The following CYP2C18 variants were observed in gnomAD, a reference collection of about 807,000 sequenced individuals.
CYP2C18 encodes the protein cytochrome P450 2C18.
A neutral mutation model predicts 41.3 loss-of-function variants in CYP2C18; 38 were observed. That is an observed-to-expected ratio of 0.92 (90% CI 0.71 to 1.21). The LOEUF (loss-of-function observed/expected upper bound fraction) is 1.21, where lower values mean the gene tolerates loss of function less well. Among genes scored for constraint, CYP2C18 ranks in the 50% most tolerant of loss-of-function variants. The probability of loss-of-function intolerance (pLI) is 0.00; values close to 1 mark genes in which losing one functional copy is unlikely to be tolerated. For synonymous variants in CYP2C18, 236 were observed against 210.0 expected, an observed-to-expected ratio of 1.12 and a Z score of -1.07; for missense variants, 635 against 591.4, an observed-to-expected ratio of 1.07 and a Z score of -0.77.
intron 3 of CYP2C18, among the ~76,000 whole-genome samples, 182 bp downstream of exon 3, chr10:94,688,456 C>T (rs1846936533): frequency 6.6e-6 from 1 of 152,110 alleles, no homozygotes; most frequent in Non-Finnish European, 1.5e-5. Flanking sequence ...TTTATCATTT[C>T]TATATTTTGA....
At chr10:94,697,946 A>G (rs1030534363) in intron 4 of CYP2C18, among the ~76,000 whole-genome samples, 4 of 152,190 alleles carry the variant, frequency 2.6e-5, no homozygotes, top group African/African-American at 9.7e-5. Context: ...CTAAATATAT[A>G]TGCACCCAAT....
chr10:94,729,531 G>A (rs1847795465), intron 7 of CYP2C18, among the ~76,000 whole-genome samples: 1 of 151,986 alleles, frequency 6.6e-6, no homozygotes, highest in Admixed American at 6.6e-5. Context: ...AAAGCTTCAA[G>A]GAAATAGAAA....
intron 7 of CYP2C18, among the ~76,000 whole-genome samples, chr10:94,727,006 T>C (rs1019871460): frequency 2.6e-5 from 4 of 152,128 alleles, no homozygotes; most frequent in African/African-American, 4.8e-5. Context: ...CAGGTACCTA[T>C]TGAGCACCGG....
At chr10:94,698,091 G>A (rs1202084563) in intron 4 of CYP2C18, among the ~76,000 whole-genome samples, 2 of 152,144 alleles carry the variant, frequency 1.3e-5, no homozygotes, top group Non-Finnish European at 2.9e-5. Flanking sequence ...AGGTTAACAA[G>A]GATATCCAGG....
At chr10:94,716,792 C>T (rs140290823) in intron 5 of CYP2C18, among the ~76,000 whole-genome samples, 4,420 of 152,192 alleles carry the variant, frequency 0.029, 94 homozygotes, top group Middle Eastern at 0.061. Context: ...GTTAAAGTCT[C>T]CCATTATTGT....
intron 5 of CYP2C18, among the ~76,000 whole-genome samples, chr10:94,715,215 T>C (rs919962284): frequency 6.6e-6 from 1 of 152,174 alleles, no homozygotes; most frequent in African/African-American, 2.4e-5. Flanking sequence ...TCCAACAGTA[T>C]GTTGAATAGA....
chr10:94,688,050 A>G, intron 2 of CYP2C18, 75 bp from the exon 3 acceptor site: 1 of 1,605,720 alleles, frequency 6.2e-7, no homozygotes, highest in Non-Finnish European at 8.5e-7. Flanking sequence ...TGACCTGTCC[A>G]CGTGGCTGCC....
At chr10:94,694,878 A>G (rs750941887) in intron 3 of CYP2C18, 39 bp from the exon 4 acceptor site, 3 of 1,591,822 alleles carry the variant, frequency 1.9e-6, no homozygotes, top group Non-Finnish European at 2.6e-6. Context: ...TTTTATATGT[A>G]TATTTTAATG....
intron 3 of CYP2C18, among the ~76,000 whole-genome samples, chr10:94,690,178 C>T (rs1433922917): frequency 1.3e-5 from 2 of 152,116 alleles, no homozygotes; most frequent in African/African-American, 4.8e-5. Context: ...GATACAAAAT[C>T]CTCGGTGAAT....
At chr10:94,688,488 A>G (rs74152313) in intron 3 of CYP2C18, among the ~76,000 whole-genome samples, 3,846 of 152,224 alleles carry the variant, frequency 0.025, 148 homozygotes, top group African/African-American at 0.075. Flanking sequence ...TGTTCTAGCT[A>G]TCTTGAAATA....
At position 94,715,680 on chromosome 10, in the gene CYP2C18, G is replaced by A. The variant is rs932821966; in HGVS notation, c.820-4716G>A. ...TGTCTCTGTCAGGCTTTGGTATTAC[G>A]ATGATGCTGGCCTCATCAAATGCAT... On this transcript the variant is annotated intron_variant, in intron 5 of 8. Transcript: ENST00000285979. Among the ~76,000 whole-genome samples, 7 of 152,098 alleles carry A rather than the reference G, an allele frequency of 4.6e-5. No individual in the cohort carries two copies. The South Asian group carries it at 6.2e-4, about 14-fold the overall frequency.
chr10:94,721,103 T>G (rs1002752630), intron 6 of CYP2C18, among the ~76,000 whole-genome samples: 1 of 152,116 alleles, frequency 6.6e-6, no homozygotes, highest in African/African-American at 2.4e-5. Context: ...AACCTCCGCC[T>G]CCCGGGTTCA....
At position 94,735,390 on chromosome 10, in the gene CYP2C18, C is replaced by T; in HGVS notation, c.1419C>T (p.Ala473=). The change falls in exon 9 of 9, where the codon GCC becomes GCT. Residue 473 remains alanine, a synonymous_variant. Transcript: ENST00000285979. ...AGGATATTGACATCACCCCCATTGC[C>T]AATGCATTTGGTCGTGTGCCACCCT... ...DPKDIDITPI[A]NAFGRVPPLY... 6.2e-7 allele frequency: 1 copy of T among 1,613,716 alleles called. No individual in the cohort carries two copies. The highest frequency in any genetic ancestry group is 8.5e-7 in the Non-Finnish European group (1 of 1,179,712).
intron 7 of CYP2C18, among the ~76,000 whole-genome samples, chr10:94,729,089 A>T (rs934075634): frequency 5.3e-5 from 8 of 152,146 alleles, no homozygotes. Context: ...TGCATCTCAC[A>T]GACCATCATG....
chr10:94,716,016 G>A (rs563790679), intron 5 of CYP2C18, among the ~76,000 whole-genome samples: 2 of 152,222 alleles, frequency 1.3e-5, no homozygotes, highest in South Asian at 4.2e-4. Flanking sequence ...ATTTCTGTGG[G>A]ATCAGTGGTG....
intron 4 of CYP2C18, 23 bp downstream of exon 4, chr10:94,695,100 C>T: frequency 6.4e-7 from 1 of 1,571,496 alleles, no homozygotes; most frequent in African/African-American, 1.4e-5. Flanking sequence ...GCTTCTCTTC[C>T]TGAGATATTA....
intron 2 of CYP2C18, 39 bp from the exon 3 acceptor site, chr10:94,688,086 T>G: frequency 6.2e-7 from 1 of 1,612,856 alleles, no homozygotes; most frequent in East Asian, 2.2e-5. Context: ...TGTCCTTGTT[T>G]GGATTCTCCC....
At chr10:94,720,563 G>A (rs931487273) in intron 6 of CYP2C18, 26 bp downstream of exon 6, 2 of 1,598,964 alleles carry the variant, frequency 1.3e-6, no homozygotes, top group Non-Finnish European at 1.7e-6. Flanking sequence ...AGGTGAGCAG[G>A]GTGATTTTCA....
At chr10:94,711,616 G>A (rs1036539585) in intron 5 of CYP2C18, among the ~76,000 whole-genome samples, 2 of 151,870 alleles carry the variant, frequency 1.3e-5, no homozygotes, top group Admixed American at 6.6e-5. Context: ...CACTGTGTTT[G>A]CCCAGGCTGG....
Sources: allele counts gnomAD v4.1 joint callset (sites outside exome capture counted in the v4.1 genomes callset), GRCh38; gene constraint gnomAD v4.1.1; transcripts MANE v1.5; gene names NCBI Gene and HGNC (gene_info 2026-07-23, HGNC 2026-07-21).